KCNAB1: variants seen among roughly 807,000 people sequenced by gnomAD.
The protein encoded by KCNAB1 is potassium voltage-gated channel subfamily A regulatory beta subunit 1.
In KCNAB1, 35 loss-of-function variants were observed where a neutral mutation model predicts 64.6. The ratio of observed to expected loss-of-function variants is 0.54; its 90% confidence interval spans 0.41 to 0.72. The LOEUF is 0.72. KCNAB1 is among the 30% of genes least tolerant of loss of function. The pLI, the probability that KCNAB1 is intolerant of heterozygous loss-of-function variation, is 0.00. For synonymous variants in KCNAB1, 177 were observed against 183.8 expected (o/e 0.96, Z 0.30); for missense variants, 401 against 512.9 (o/e 0.78, Z 2.11).
intron 1 of KCNAB1, among the ~76,000 whole-genome samples, chr3:156,397,821 G>A (rs940912321): frequency 6.6e-6 from 1 of 152,074 alleles, no homozygotes; most frequent in Non-Finnish European, 1.5e-5. Flanking sequence ...CATTGTGTGT[G>A]TATATCTGGG....
intron 1 of KCNAB1, among the ~76,000 whole-genome samples, chr3:156,346,493 G>A (rs1341145565): frequency 6.6e-6 from 1 of 152,154 alleles, no homozygotes; most frequent in African/African-American, 2.4e-5. Flanking sequence ...TCACTAAAGA[G>A]AGTGGCACCT....
chr3:156,424,378 G>A (rs1348633599), intron 2 of KCNAB1, among the ~76,000 whole-genome samples: 2 of 152,124 alleles, frequency 1.3e-5, no homozygotes, highest in African/African-American at 2.4e-5. Flanking sequence ...GGGAGGTGAA[G>A]GCAGTATTGT....
At chr3:156,333,463 T>G (rs1723481215) in intron 1 of KCNAB1, among the ~76,000 whole-genome samples, 1 of 152,162 alleles carries the variant, frequency 6.6e-6, no homozygotes, top group African/African-American at 2.4e-5. Context: ...CATATCAGTA[T>G]GTATTGCTTC....
intron 1 of KCNAB1, among the ~76,000 whole-genome samples, chr3:156,202,430 A>C (rs1365252993): frequency 6.6e-6 from 1 of 151,476 alleles, no homozygotes; most frequent in Non-Finnish European, 1.5e-5. Flanking sequence ...CCCTCCATCC[A>C]CTCTCAACGC....
At chr3:156,118,759 C>T (rs535464389), upstream of KCNAB1, among the ~76,000 whole-genome samples, 233 of 152,270 alleles carry the variant, frequency 1.5e-3, 2 homozygotes, top group African/African-American at 5.4e-3. Context: ...AGCATAGTGC[C>T]CTTTCCACAG....
chr3:156,486,446 C>G (rs759111087), intron 8 of KCNAB1, among the ~76,000 whole-genome samples: 4 of 152,190 alleles, frequency 2.6e-5, no homozygotes, highest in Non-Finnish European at 5.9e-5. Context: ...AAGGCTGCCT[C>G]TTCATTGCCA....
At chr3:156,296,014 CAG>C (rs1263425035) in intron 1 of KCNAB1, among the ~76,000 whole-genome samples, 3 of 152,190 alleles carry the variant, frequency 2.0e-5, no homozygotes, top group African/African-American at 4.8e-5. Flanking sequence ...ATTTCACTCT[CAG>C]AGTTTCATAG....
At chr3:156,486,304 G>A (rs1268104660) in intron 8 of KCNAB1, among the ~76,000 whole-genome samples, 1 of 152,042 alleles carries the variant, frequency 6.6e-6, no homozygotes, top group Non-Finnish European at 1.5e-5. Flanking sequence ...CCTACTCTCT[G>A]TTCAGTGACT....
chr3:156,152,512 G>A (rs969569115), intron 1 of KCNAB1, among the ~76,000 whole-genome samples: 2 of 152,154 alleles, frequency 1.3e-5, no homozygotes, highest in Non-Finnish European at 2.9e-5. Context: ...GAAAGATGCA[G>A]GTTCTCAATG....
chr3:156,500,225 G>A (rs1393589244), intron 8 of KCNAB1, among the ~76,000 whole-genome samples: 4 of 152,164 alleles, frequency 2.6e-5, no homozygotes, highest in South Asian at 2.1e-4. Context: ...GACCTCACAC[G>A]TTACTGACAG....
chr3:156,296,309 C>T (rs2107977458), intron 1 of KCNAB1, among the ~76,000 whole-genome samples: 2 of 152,234 alleles, frequency 1.3e-5, no homozygotes, highest in East Asian at 3.9e-4. Flanking sequence ...TTGACATGGT[C>T]TCAGAGCTTC....
chr3:156,352,801 T>C (rs1457340221), intron 1 of KCNAB1, among the ~76,000 whole-genome samples: 2 of 152,200 alleles, frequency 1.3e-5, no homozygotes, highest in African/African-American at 2.4e-5. Flanking sequence ...GCAGAGGGTG[T>C]CAGCCTGGGC....
intron 1 of KCNAB1, among the ~76,000 whole-genome samples, chr3:156,408,276 C>T (rs1255002057): frequency 3.3e-5 from 5 of 152,112 alleles, no homozygotes; most frequent in African/African-American, 7.2e-5. Context: ...TTCAGATGCA[C>T]GGATCATGTG....
At chr3:156,303,915 G>A (rs559597949) in intron 1 of KCNAB1, among the ~76,000 whole-genome samples, 3 of 152,216 alleles carry the variant, frequency 2.0e-5, no homozygotes, top group South Asian at 2.1e-4. Context: ...TAAGCAAATC[G>A]AAGTCTGCAT....
intron 8 of KCNAB1, among the ~76,000 whole-genome samples, chr3:156,512,906 G>A (rs547602675): frequency 2.9e-4 from 44 of 152,254 alleles, no homozygotes; most frequent in African/African-American, 1.1e-3. Flanking sequence ...AAGAAATCAA[G>A]GGCAATTAAA....
chr3:156,134,327 C>G (rs1714176464), intron 1 of KCNAB1, among the ~76,000 whole-genome samples: 1 of 152,150 alleles, frequency 6.6e-6, no homozygotes, highest in Non-Finnish European at 1.5e-5. Flanking sequence ...TTGCTGTAAG[C>G]TTTTCTTGCT....
At chr3:156,479,850 A>T (rs960585790) in intron 8 of KCNAB1, among the ~76,000 whole-genome samples, 1 of 152,120 alleles carries the variant, frequency 6.6e-6, no homozygotes, top group Non-Finnish European at 1.5e-5. Context: ...GCAAGACCAA[A>T]GTTAGCTTCA....
At chr3:156,532,959 C>T (rs939921527) in intron 13 of KCNAB1, among the ~76,000 whole-genome samples, 2 of 152,150 alleles carry the variant, frequency 1.3e-5, no homozygotes, top group Non-Finnish European at 2.9e-5. Context: ...AAGAACAGGA[C>T]CTGGCCTTCA....
At chr3:156,125,165 T>G (rs1011619987) in intron 1 of KCNAB1, among the ~76,000 whole-genome samples, 4 of 151,862 alleles carry the variant, frequency 2.6e-5, no homozygotes, top group Non-Finnish European at 5.9e-5. Flanking sequence ...TTGCAAAACT[T>G]AAATGAGATA....
Sources: gnomAD v4.1 joint callset for allele counts (sites outside exome capture counted in the v4.1 genomes callset) on GRCh38, gnomAD v4.1.1 for gene constraint, MANE v1.5 for transcripts, NCBI Gene and HGNC (gene_info 2026-07-23, HGNC 2026-07-21) for gene names.